Variants in ACTR3C observed in about 807,000 individuals in gnomAD.
ACTR3C encodes actin related protein 3C, also known as actin-related protein 3C.
ACTR3C carries 18 observed loss-of-function variants against 26.3 expected under a neutral mutation model. That is an observed-to-expected ratio of 0.68 (90% CI 0.47 to 1.01). ACTR3C has a LOEUF of 1.01. ACTR3C is among the 50% of genes least tolerant of loss of function. The probability of loss-of-function intolerance (pLI) is 0.00; values close to 1 mark genes in which losing one functional copy is unlikely to be tolerated. For synonymous variants in ACTR3C, 55 were observed against 94.5 expected, an observed-to-expected ratio of 0.58 and a Z score of 2.42; for missense variants, 184 against 250.7, an observed-to-expected ratio of 0.73 and a Z score of 1.80.
chr7:150,111,512 TCA>T, the ACTR3C span, among the ~76,000 whole-genome samples: 1 of 83,422 alleles, frequency 1.2e-5, no homozygotes, highest in Non-Finnish European at 2.3e-5. Context: ...CTCCCCACAC[TCA>T]CACACTTGCA....
At chr7:150,049,055 C>A in the ACTR3C span, among the ~76,000 whole-genome samples, 1 of 152,108 alleles carries the variant, frequency 6.6e-6, no homozygotes, top group Admixed American at 6.5e-5. Flanking sequence ...CTGTGCCCGC[C>A]GAGAGCGAGG....
the ACTR3C span, among the ~76,000 whole-genome samples, chr7:150,021,372 G>A: frequency 6.6e-6 from 1 of 151,684 alleles, no homozygotes; most frequent in Non-Finnish European, 1.5e-5. Flanking sequence ...ATTAGGAAAG[G>A]AGCATTAAAA....
At chr7:150,089,445 T>C in the ACTR3C span, among the ~76,000 whole-genome samples, 1 of 152,222 alleles carries the variant, frequency 6.6e-6, no homozygotes, top group Non-Finnish European at 1.5e-5. Flanking sequence ...CAAGAGGAAG[T>C]TCTGTGATGC....
At chr7:150,244,322 A>C (rs1832353512), downstream of ACTR3C, 1 of 148,294 alleles carries the variant, frequency 6.7e-6, no homozygotes, top group South Asian at 2.2e-4. Flanking sequence ...ATAGTCTTAG[A>C]ATATTGAATA....
At chr7:150,315,324 C>G (rs1042883566) in intron 1 of ACTR3C, among the ~76,000 whole-genome samples, 2 of 151,966 alleles carry the variant, frequency 1.3e-5, no homozygotes, top group Non-Finnish European at 2.9e-5. Flanking sequence ...GTGGAAACAG[C>G]AAGCTACAGC....
At chr7:150,256,279 G>C in intron 6 of ACTR3C, among the ~76,000 whole-genome samples, 1 of 152,212 alleles carries the variant, frequency 6.6e-6, no homozygotes. Flanking sequence ...ATTCCTTTGG[G>C]TATACACCCA....
the ACTR3C span, among the ~76,000 whole-genome samples, chr7:150,041,898 G>A: frequency 1.8e-4 from 23 of 130,448 alleles, no homozygotes; most frequent in East Asian, 4.8e-3. Flanking sequence ...CTGCGATGGG[G>A]GTCCTCAGAG....
the ACTR3C span, among the ~76,000 whole-genome samples, chr7:150,110,372 G>A: frequency 1.3e-5 from 2 of 150,294 alleles, no homozygotes; most frequent in Non-Finnish European, 3.0e-5. Flanking sequence ...GTAGTCAGGG[G>A]CAAGACCCAG....
the ACTR3C span, among the ~76,000 whole-genome samples, chr7:150,033,802 G>T: frequency 6.6e-6 from 1 of 152,014 alleles, no homozygotes; most frequent in African/African-American, 2.4e-5. Context: ...AGCCAGGGGG[G>T]GAAGAGGGAC....
the ACTR3C span, among the ~76,000 whole-genome samples, chr7:150,064,744 TAGTC>T: frequency 2.0e-5 from 3 of 151,506 alleles, no homozygotes; most frequent in South Asian, 2.1e-4. Context: ...TCACTGGGCT[TAGTC>T]AGTGAGTTCA....
the ACTR3C span, among the ~76,000 whole-genome samples, chr7:150,110,332 G>A: frequency 6.6e-6 from 1 of 151,422 alleles, no homozygotes; most frequent in African/African-American, 2.4e-5. Context: ...TAGGGCAGAA[G>A]GATGTCTCGG....
the ACTR3C span, among the ~76,000 whole-genome samples, chr7:150,148,162 AAAG>A: frequency 8.7e-5 from 13 of 148,916 alleles, no homozygotes; most frequent in East Asian, 2.1e-3. Context: ...TTAAAAAAAA[AAAG>A]AAAAGAAAAG....
the ACTR3C span, among the ~76,000 whole-genome samples, chr7:150,161,322 G>A: frequency 3.5e-3 from 523 of 149,952 alleles, 5 homozygotes; most frequent in Middle Eastern, 0.01. Context: ...CCATTAACTC[G>A]TCATTTACAT....
chr7:150,233,672 TTTGA>T, the ACTR3C span, among the ~76,000 whole-genome samples: 2 of 151,570 alleles, frequency 1.3e-5, no homozygotes, highest in Admixed American at 1.3e-4. Flanking sequence ...AGCATTTCCT[TTTGA>T]TTGTTTCCTA....
At chr7:149,989,932 G>A in the ACTR3C span, among the ~76,000 whole-genome samples, 6 of 151,894 alleles carry the variant, frequency 4.0e-5, no homozygotes, top group East Asian at 7.8e-4. Context: ...CCACATCCTC[G>A]CCAACACTTG....
chr7:150,290,486 T>C (rs1350001046), intron 3 of ACTR3C, among the ~76,000 whole-genome samples: 1 of 152,090 alleles, frequency 6.6e-6, no homozygotes, highest in African/African-American at 2.4e-5. Flanking sequence ...GATCATCCGG[T>C]AAAGACACTC....
intron 6 of ACTR3C, among the ~76,000 whole-genome samples, chr7:150,279,690 C>T (rs1369904435): frequency 4.6e-5 from 7 of 152,122 alleles, no homozygotes; most frequent in Non-Finnish European, 1.0e-4. Context: ...GCCTGTCCAC[C>T]CACCCCCAGC....
chr7:150,287,930 G>A (rs187897111), intron 4 of ACTR3C, among the ~76,000 whole-genome samples: 1,848 of 138,480 alleles, frequency 0.013, 30 homozygotes, highest in South Asian at 0.033. Flanking sequence ...TGAGTTGGGT[G>A]CAGAGTAACA....
At chr7:150,172,154 T>A in the ACTR3C span, among the ~76,000 whole-genome samples, 4 of 150,616 alleles carry the variant, frequency 2.7e-5, no homozygotes, top group African/African-American at 1.0e-4. Context: ...ATTAAGAAAA[T>A]TTTAAGGGCA....
Sources: allele counts gnomAD v4.1 joint callset (sites outside exome capture counted in the v4.1 genomes callset), GRCh38; gene constraint gnomAD v4.1.1; transcripts MANE v1.5; gene names NCBI Gene and HGNC (gene_info 2026-07-23, HGNC 2026-07-21).